The following HPSE2 variants were observed in gnomAD, a reference collection of about 807,000 sequenced individuals.
HPSE2 encodes the protein heparanase 2 (inactive), also known as inactive heparanase-2.
Under a neutral mutation model 60.5 loss-of-function variants are expected in HPSE2, and 38 were observed. That is an observed-to-expected ratio of 0.63 (90% CI 0.48 to 0.82). The LOEUF is 0.82. Ranked by LOEUF, HPSE2 falls within the 40% of genes least tolerant of loss-of-function variation. The pLI, the probability that HPSE2 is intolerant of heterozygous loss-of-function variation, is 0.00. For synonymous variants in HPSE2, 295 were observed against 293.2 expected (o/e 1.01, Z -0.06); for missense variants, 713 against 740.4 (o/e 0.96, Z 0.43).
At chr10:98,643,813 T>C (rs1222510008) in intron 6 of HPSE2, among the ~76,000 whole-genome samples, 1 of 152,176 alleles carries the variant, frequency 6.6e-6, no homozygotes, top group Non-Finnish European at 1.5e-5. Context: ...CTAACACACA[T>C]TTGAGGACAT....
chr10:99,219,847 GTCTGTT>G (rs1326144193), intron 2 of HPSE2, among the ~76,000 whole-genome samples: 2 of 152,134 alleles, frequency 1.3e-5, no homozygotes, highest in South Asian at 2.1e-4. Context: ...GCCTTCTTTA[GTCTGTT>G]TCTAACTAAA....
chr10:98,598,883 C>T (rs473374), intron 9 of HPSE2, among the ~76,000 whole-genome samples: 44,804 of 151,944 alleles, frequency 0.29, 6,743 homozygotes, highest in African/African-American at 0.33. Context: ...CCTAGGGCTA[C>T]GGGGACTGGC....
chr10:99,006,121 G>A (rs973122179), intron 3 of HPSE2, among the ~76,000 whole-genome samples: 3 of 152,148 alleles, frequency 2.0e-5, no homozygotes, highest in African/African-American at 7.2e-5. Flanking sequence ...GCACTGGGGT[G>A]GTCTCTGAGC....
chr10:98,743,693 GT>G lies in HPSE2; in HGVS notation c.784+189del, dbSNP rs34603601. 0.37 allele frequency among the ~76,000 whole-genome samples: 56,129 copies of G among 152,030 alleles called. 12,025 individuals carry two copies. The highest frequency in any genetic ancestry group is 0.5 in the South Asian group (2,429 of 4,820). ...AGAGATAACTATAGATGCAAATGGT[GT>G]GTATTCACTAAATATACTGTCCTTC... On this transcript the variant is annotated intron_variant, in intron 4 of 11. Transcript: ENST00000370552.
rs550800286 is a variant in HPSE2 at position 99,032,405 on chromosome 10, C to T, written c.610+111833G>A. Among the ~76,000 whole-genome samples, 7 of 152,280 alleles carry T rather than the reference C, an allele frequency of 4.6e-5. No individual in the cohort carries two copies. In the East Asian group the frequency reaches 7.7e-4, roughly 17 times the overall value. On this transcript the variant is annotated intron_variant, in intron 3 of 11. Transcript: ENST00000370552. ...CATTAAAAATCAATAATCTTCAACA[C>T]GAATTCCATGAAACACTAAGGATTC... is the stretch of plus-strand genomic sequence containing the variant.
intron 3 of HPSE2, among the ~76,000 whole-genome samples, chr10:99,112,756 T>C (rs992500115): frequency 2.0e-5 from 3 of 152,190 alleles, no homozygotes; most frequent in Admixed American, 6.6e-5. Flanking sequence ...AGGTAACATA[T>C]AATAGCTGAA....
chr10:98,794,420 T>G (rs558266814), intron 3 of HPSE2, among the ~76,000 whole-genome samples: 50 of 152,162 alleles, frequency 3.3e-4, no homozygotes, highest in African/African-American at 1.2e-3. Context: ...TTATTTTGTA[T>G]TTTTAGTAGA....
chr10:98,987,316 T>A (rs1956388952), intron 3 of HPSE2, among the ~76,000 whole-genome samples: 1 of 152,124 alleles, frequency 6.6e-6, no homozygotes, highest in Non-Finnish European at 1.5e-5. Context: ...GTGGGCTTCA[T>A]CCCTGGGATG....
the HPSE2 span, among the ~76,000 whole-genome samples, chr10:99,312,472 T>C: frequency 6.6e-6 from 1 of 152,222 alleles, no homozygotes; most frequent in Non-Finnish European, 1.5e-5. Flanking sequence ...ATAAATAATA[T>C]TCCATTTTGT....
At chr10:98,550,297 T>C (rs1412125265) in intron 9 of HPSE2, among the ~76,000 whole-genome samples, 1 of 151,928 alleles carries the variant, frequency 6.6e-6, no homozygotes, top group Non-Finnish European at 1.5e-5. Flanking sequence ...GCATTTTTTT[T>C]TTTTTCGAGA....
intron 3 of HPSE2, among the ~76,000 whole-genome samples, chr10:98,904,613 T>C (rs1953758892): frequency 1.3e-5 from 2 of 152,170 alleles, no homozygotes; most frequent in African/African-American, 4.8e-5. Flanking sequence ...CCTAAGCATC[T>C]ACATACATAG....
intron 3 of HPSE2, among the ~76,000 whole-genome samples, chr10:98,878,918 T>C (rs915719743): frequency 6.6e-6 from 1 of 151,928 alleles, no homozygotes; most frequent in South Asian, 2.1e-4. Flanking sequence ...GACTGGAGGA[T>C]AGATTAAATA....
chr10:99,145,938 A>T (rs1184312766), intron 2 of HPSE2, among the ~76,000 whole-genome samples: 1 of 152,194 alleles, frequency 6.6e-6, no homozygotes, highest in Non-Finnish European at 1.5e-5. Flanking sequence ...GTCCTCACTA[A>T]TTCTTAGATT....
intron 3 of HPSE2, among the ~76,000 whole-genome samples, chr10:98,820,911 C>G (rs1951409523): frequency 6.6e-6 from 1 of 152,172 alleles, no homozygotes; most frequent in Non-Finnish European, 1.5e-5. Context: ...CAGTATTATT[C>G]TGAGCAGACT....
At chr10:99,014,823 G>A (rs542557480) in intron 3 of HPSE2, among the ~76,000 whole-genome samples, 20 of 152,196 alleles carry the variant, frequency 1.3e-4, no homozygotes, top group Non-Finnish European at 2.4e-4. Context: ...TGACAAATGG[G>A]ATCTAATTAA....
intron 3 of HPSE2, among the ~76,000 whole-genome samples, chr10:99,116,530 C>T (rs1287205134): frequency 6.6e-6 from 1 of 152,148 alleles, no homozygotes; most frequent in Non-Finnish European, 1.5e-5. Flanking sequence ...GCCAAGATTT[C>T]TAACACTGAC....
chr10:99,267,785 A>C, the HPSE2 span, among the ~76,000 whole-genome samples: 1 of 151,560 alleles, frequency 6.6e-6, no homozygotes, highest in East Asian at 2.0e-4. Context: ...ATCAAAAAAA[A>C]AAAACAAAAA....
Position 98,933,857 on chromosome 10 carries a change from G to A in HPSE2, c.611-189801C>T, listed in dbSNP as rs367958063. Among the ~76,000 whole-genome samples the A allele has an allele frequency of 1.4e-4, 19 of 140,272 alleles. 3 individuals carry two copies. The highest frequency in any genetic ancestry group is 5.1e-4 in the African/African-American group (17 of 33,492). 92.0% of individuals were successfully genotyped at this position (140,272 alleles called of 152,430 possible). A position where few individuals can be genotyped will look rare whatever the true frequency, so the allele number is the denominator to read the frequency against. On this transcript the variant is annotated intron_variant, in intron 3 of 11. Coordinates refer to ENST00000370552, the MANE Select transcript of HPSE2 (RefSeq NM_021828.5). ...CGCCATTCTCCTGCCTCAGCCTCCC[G>A]AGTAGCTGGGACTACAGGCGCCCAC...
chr10:98,729,454 A>G (rs1003836067), intron 4 of HPSE2, among the ~76,000 whole-genome samples: 1 of 151,984 alleles, frequency 6.6e-6, no homozygotes, highest in Admixed American at 6.6e-5. Context: ...CTAAAAACAC[A>G]AAAAATTAGC....
Sources: allele counts gnomAD v4.1 joint callset (sites outside exome capture counted in the v4.1 genomes callset), GRCh38; gene constraint gnomAD v4.1.1; transcripts MANE v1.5; gene names NCBI Gene and HGNC (gene_info 2026-07-23, HGNC 2026-07-21).